The following SOS2 variants were observed in gnomAD, a reference collection of about 807,000 sequenced individuals.
SOS2 encodes the protein SOS Ras/Rho guanine nucleotide exchange factor 2, also known as son of sevenless homolog 2.
Under a neutral mutation model 148.2 loss-of-function variants are expected in SOS2, and 65 were observed. That is an observed-to-expected ratio of 0.44 (90% CI 0.36 to 0.54). The LOEUF is 0.54. Ranked by LOEUF, SOS2 falls within the 20% of genes least tolerant of loss-of-function variation. The pLI, the probability that SOS2 is intolerant of heterozygous loss-of-function variation, is 0.00. For missense variants in SOS2, 1,341 were observed against 1,590.2 expected (o/e 0.84, Z 2.67); for synonymous variants, 539 against 537.1 (o/e 1.00, Z -0.05).
At chr14:50,194,277 T>C (rs1003160529) in intron 4 of SOS2, among the ~76,000 whole-genome samples, 1 of 152,168 alleles carries the variant, frequency 6.6e-6, no homozygotes, top group Non-Finnish European at 1.5e-5. Context: ...CCACAAAGCC[T>C]AAAATATTTA....
intron 8 of SOS2, among the ~76,000 whole-genome samples, chr14:50,170,784 C>T (rs1885335465): frequency 1.3e-5 from 2 of 150,690 alleles, no homozygotes; most frequent in South Asian, 2.1e-4. Context: ...TGAGATACCA[C>T]CTCGTATCCA....
intron 5 of SOS2, among the ~76,000 whole-genome samples, chr14:50,183,179 T>C (rs1406205806): frequency 6.6e-6 from 1 of 152,166 alleles, no homozygotes; most frequent in Non-Finnish European, 1.5e-5. Flanking sequence ...AATATGAATG[T>C]TTACTTTCAT....
rs7156414 is a variant in SOS2 at position 50,119,147 on chromosome 14, A to G, written c.3490-294T>C. 0.3 allele frequency among the ~76,000 whole-genome samples: 46,194 copies of G among 152,068 alleles called. 7,254 individuals carry two copies. Among genetic ancestry groups the G allele is most frequent in the Admixed American group, 0.41 (6,276 of 15,292 alleles). On this transcript the variant is annotated intron_variant, in intron 22 of 22. Coordinates refer to ENST00000216373, the MANE Select transcript of SOS2 (RefSeq NM_006939.4). Reference sequence around the variant, plus strand: ...AATAGTAGGTAAGTGACAATAATTTATTGCTTTATAGACATGAAAGGACAT... The same window carrying G: ...AATAGTAGGTAAGTGACAATAATTTGTTGCTTTATAGACATGAAAGGACAT...
At chr14:50,119,870 G>C (rs1195351292) in intron 22 of SOS2, among the ~76,000 whole-genome samples, 2 of 138,312 alleles carry the variant, frequency 1.4e-5, no homozygotes, top group Non-Finnish European at 3.0e-5. Flanking sequence ...GGAGTGCAGT[G>C]GCACGATCCT....
chr14:50,217,941 C>A (rs1483090551), intron 1 of SOS2, among the ~76,000 whole-genome samples: 3 of 151,004 alleles, frequency 2.0e-5, no homozygotes, highest in South Asian at 2.1e-4. Context: ...GGCGACAGAG[C>A]GAGACTCTGT....
rs1166475374 is a variant in SOS2, at chr14:50,117,427, TAGAG to T, written c.*913_*916del. On this transcript the variant is annotated 3_prime_UTR_variant, in exon 23 of 23. Transcript: ENST00000216373. ...AAAATTTCAGTTAACACGAGATTTATAGAGAAAGTTACTAGGTCTTGAAGGCAAG... is the reference window on the plus strand; with the variant it reads ...AAAATTTCAGTTAACACGAGATTTATAAAGTTACTAGGTCTTGAAGGCAAG... The T allele has an allele frequency of 2.0e-5, 3 of 152,356 alleles. No individual in the cohort carries two copies. Among genetic ancestry groups the T allele is most frequent in the African/African-American group, 7.2e-5 (3 of 41,582 alleles). The allele number at this position is 152,356 out of a possible 1,614,324, so 9.4% of individuals were successfully genotyped here.
chr14:50,224,374 A>AT (rs1887300963), intron 1 of SOS2, among the ~76,000 whole-genome samples: 1 of 144,098 alleles, frequency 6.9e-6, no homozygotes. Flanking sequence ...CATATATATA[A>AT]ATGGGCTCTG....
At chr14:50,131,813 T>C (rs1169988987) in intron 19 of SOS2, among the ~76,000 whole-genome samples, 1 of 152,158 alleles carries the variant, frequency 6.6e-6, no homozygotes, top group East Asian at 1.9e-4. Context: ...TCAGATGATA[T>C]GGAAGGTAAA....
Position 50,117,352 on chromosome 14 carries a change from TTAAG to T in SOS2, c.*988_*991del, listed in dbSNP as rs1380341892. 6 of 152,192 alleles carry T rather than the reference TTAAG, an allele frequency of 3.9e-5. No homozygotes were observed. Among genetic ancestry groups the T allele is most frequent in the Admixed American group, 3.3e-4 (5 of 15,282 alleles). 9.4% of individuals were successfully genotyped at this position (152,192 alleles called of 1,614,324 possible). ...TCTGATTAAAATGTTTAATAAAGCT[TTAAG>T]TATTTGCTGGTTTAAATATTACCAA... On this transcript the variant is annotated 3_prime_UTR_variant, in exon 23 of 23. Coordinates refer to ENST00000216373, the MANE Select transcript of SOS2 (RefSeq NM_006939.4).
In SOS2 at chr14:50,123,181, A is replaced by G. The variant is rs537065250; in HGVS notation, c.3380-2797T>C. On this transcript the variant is annotated intron_variant, in intron 21 of 22. Coordinates refer to ENST00000216373, the MANE Select transcript of SOS2 (RefSeq NM_006939.4). Reference sequence around the variant, plus strand: ...AGCAGGCTGTGAGGCTAAATGGCTGAAAAGTATTATAAACAGCAGGAATGG... The same window carrying G: ...AGCAGGCTGTGAGGCTAAATGGCTGGAAAGTATTATAAACAGCAGGAATGG... Among the ~76,000 whole-genome samples the G allele has an allele frequency of 2.6e-5, 4 of 152,302 alleles. No individual in the cohort carries two copies. In the East Asian group the frequency reaches 7.7e-4, roughly 29 times the overall value.
At chr14:50,168,823 T>C (rs1885264238) in intron 8 of SOS2, among the ~76,000 whole-genome samples, 1 of 152,166 alleles carries the variant, frequency 6.6e-6, no homozygotes, top group Non-Finnish European at 1.5e-5. Flanking sequence ...GAAAACACAA[T>C]CCTGGAACAG....
chr14:50,130,530 A>C lies in SOS2; in HGVS notation c.3308T>G (p.Phe1103Cys). Residue 1103 changes from phenylalanine (F) to cysteine (C), a missense_variant, in exon 20 of 23, where the codon TTT (phenylalanine) becomes TGT (cysteine). Physicochemically the swap from Phe to Cys is radical, Grantham distance 205. This residue lies in a region of SOS2 where 354 missense variants were observed against 347.7 expected (regional missense o/e 1.02). Transcript: ENST00000216373. ...PVSASSDLSV[F>C]LDVDLNSSCG... Reference sequence around the variant, plus strand: ...GGAGCTGTTGAGATCCACATCTAAAAATACACTAAGGTCTGAAGAAGCAGA... The same window carrying C: ...GGAGCTGTTGAGATCCACATCTAAACATACACTAAGGTCTGAAGAAGCAGA... 6.2e-7 allele frequency: 1 copy of C among 1,614,074 alleles called. No individual in the cohort carries two copies. The highest frequency in any genetic ancestry group is 8.5e-7 in the Non-Finnish European group (1 of 1,179,946).
At chr14:50,202,771 G>C (rs569079544) in intron 2 of SOS2, among the ~76,000 whole-genome samples, 3 of 152,224 alleles carry the variant, frequency 2.0e-5, no homozygotes, top group Admixed American at 1.3e-4. Context: ...ACAATTGGCA[G>C]CAGAGAACAG....
chr14:50,227,979 TACTG>T (rs1035835049), intron 1 of SOS2, among the ~76,000 whole-genome samples: 18 of 152,158 alleles, frequency 1.2e-4, no homozygotes, highest in African/African-American at 3.1e-4. Flanking sequence ...TATTAATTTC[TACTG>T]ACTATTTTAC....
intron 21 of SOS2, among the ~76,000 whole-genome samples, chr14:50,128,375 T>C (rs1883751041): frequency 6.6e-6 from 1 of 152,136 alleles, no homozygotes; most frequent in South Asian, 2.1e-4. Flanking sequence ...CCTGACTTTA[T>C]GGAAAACTGC....
At chr14:50,127,304 G>A (rs898190674) in intron 21 of SOS2, among the ~76,000 whole-genome samples, 3 of 152,068 alleles carry the variant, frequency 2.0e-5, no homozygotes, top group Admixed American at 2.0e-4. Flanking sequence ...ACTATGCCCA[G>A]CTAATTTTTG....
At chr14:50,226,748 A>C (rs1566488965) in intron 1 of SOS2, among the ~76,000 whole-genome samples, 1 of 152,212 alleles carries the variant, frequency 6.6e-6, no homozygotes, top group Non-Finnish European at 1.5e-5. Context: ...CCTGGTGAAA[A>C]ACACCTTACA....
chr14:50,169,263 C>T (rs185900701), intron 8 of SOS2, among the ~76,000 whole-genome samples: 2 of 152,076 alleles, frequency 1.3e-5, no homozygotes, highest in East Asian at 3.9e-4. Context: ...TTGCAGTAAG[C>T]CGAGCCTGCA....
rs1804631597 is a variant in SOS2, at chr14:50,231,456, G to A, written c.-173C>T. 1 of 151,490 alleles carries A rather than the reference G, an allele frequency of 6.6e-6. No individual in the cohort carries two copies. 9.4% of individuals were successfully genotyped at this position (151,490 alleles called of 1,614,324 possible). On this transcript the variant is annotated 5_prime_UTR_variant, in exon 1 of 23. Coordinates refer to ENST00000216373, the MANE Select transcript of SOS2 (RefSeq NM_006939.4). ...CCGGCGGGCTGGCGGAGACCCCGGG[G>A]TCGGCTTCCTCCGCCGAGGCGGCCC...
Sources: gnomAD v4.1 joint callset for allele counts (sites outside exome capture counted in the v4.1 genomes callset) on GRCh38, gnomAD v4.1.1 for gene constraint, gnomAD v4.1.1 regional missense constraint, MANE v1.5 for transcripts, NCBI Gene and HGNC (gene_info 2026-07-23, HGNC 2026-07-21) for gene names.